GOLIM4: variants seen among roughly 807,000 people sequenced by gnomAD.
GOLIM4 encodes the protein golgi integral membrane protein 4.
In GOLIM4, 71 loss-of-function variants were observed where a neutral mutation model predicts 107.4. The ratio of observed to expected loss-of-function variants is 0.66; its 90% confidence interval spans 0.55 to 0.81. The LOEUF is 0.81. Among genes scored for constraint, GOLIM4 ranks in the 30% least tolerant of loss-of-function variants. The pLI is 0.00. For missense variants in GOLIM4, 830 were observed against 826.1 expected, an observed-to-expected ratio of 1.00 and a Z score of -0.06; for synonymous variants, 327 against 294.8, an observed-to-expected ratio of 1.11 and a Z score of -1.12.
intron 3 of GOLIM4, among the ~76,000 whole-genome samples, chr3:168,045,888 G>GT: frequency 6.6e-6 from 1 of 152,248 alleles, no homozygotes; most frequent in East Asian, 1.9e-4. Context: ...ACTCTTCTCA[G>GT]TTTTTTTATT....
At position 168,009,328 on chromosome 3, in the gene GOLIM4, A is replaced by G. The variant is rs891843551; in HGVS notation, c.*941T>C. Reference sequence around the variant, plus strand: ...GTATGTCTTCATATTTATACTTATTATCAAAGTGATTGCATATTGAGGCAC... The same window carrying G: ...GTATGTCTTCATATTTATACTTATTGTCAAAGTGATTGCATATTGAGGCAC... On this transcript the variant is annotated 3_prime_UTR_variant, in exon 16 of 16. Coordinates refer to ENST00000470487, the MANE Select transcript of GOLIM4 (RefSeq NM_014498.5). 6.6e-6 allele frequency: 1 copy of G among 150,824 alleles called. No individual in the cohort carries two copies. The highest frequency in any genetic ancestry group is 2.4e-5 in the African/African-American group (1 of 41,270). The allele number at this position is 150,824 out of a possible 1,614,324, so 9.3% of individuals were successfully genotyped here.
At chr3:168,048,219 G>A (rs1719419663) in intron 2 of GOLIM4, 72 bp downstream of exon 2, 1 of 809,134 alleles carries the variant, frequency 1.2e-6, no homozygotes, top group Admixed American at 2.4e-5. Flanking sequence ...AAAAAAAATT[G>A]TAAACCAAGT....
At chr3:168,092,193 C>T (rs960168069) in intron 1 of GOLIM4, among the ~76,000 whole-genome samples, 3 of 152,182 alleles carry the variant, frequency 2.0e-5, no homozygotes, top group Non-Finnish European at 4.4e-5. Context: ...AAACACTGTG[C>T]TGGCCAAAGA....
At position 168,095,572 on chromosome 3, in the gene GOLIM4, G is replaced by A; in HGVS notation, c.-287C>T. 1 of 393,382 alleles carries A rather than the reference G, an allele frequency of 2.5e-6. No homozygotes were observed. The highest frequency in any genetic ancestry group is 4.6e-6 in the Non-Finnish European group (1 of 219,626). 24.4% of individuals were successfully genotyped at this position (393,382 alleles called of 1,614,324 possible). ...AGGCCCTCCGCATACTTCAGAGCCGGCTGCCCTCGCGCCTGTCCCCAGATG... is the reference window on the plus strand; with the variant it reads ...AGGCCCTCCGCATACTTCAGAGCCGACTGCCCTCGCGCCTGTCCCCAGATG... On this transcript the variant is annotated 5_prime_UTR_variant, in exon 1 of 16. Coordinates refer to ENST00000470487, the MANE Select transcript of GOLIM4 (RefSeq NM_014498.5).
intron 1 of GOLIM4, among the ~76,000 whole-genome samples, chr3:168,077,486 C>A (rs1485685752): frequency 1.3e-5 from 2 of 152,144 alleles, no homozygotes. Flanking sequence ...TGTCCAGGCC[C>A]AGGCAAATCA....
intron 1 of GOLIM4, among the ~76,000 whole-genome samples, chr3:168,075,294 T>G (rs1345540968): frequency 4.8e-5 from 4 of 83,398 alleles, no homozygotes; most frequent in South Asian, 7.6e-4. Flanking sequence ...TAGTTTTTTT[T>G]TTTTTTTTTT....
chr3:168,016,794 A>T (rs2108211217), intron 14 of GOLIM4, among the ~76,000 whole-genome samples: 1 of 140,376 alleles, frequency 7.1e-6, no homozygotes. Context: ...TCGCAAGAAC[A>T]AAAAACCAAA....
At chr3:168,051,042 G>A (rs1205974197) in intron 1 of GOLIM4, among the ~76,000 whole-genome samples, 1 of 152,002 alleles carries the variant, frequency 6.6e-6, no homozygotes, top group Non-Finnish European at 1.5e-5. Context: ...ATACAATGCA[G>A]CAGCAATCAG....
intron 1 of GOLIM4, among the ~76,000 whole-genome samples, chr3:168,052,041 T>C (rs781157157): frequency 3.3e-5 from 5 of 152,164 alleles, no homozygotes; most frequent in Non-Finnish European, 7.3e-5. Context: ...AGACACAGCC[T>C]TGATGCCTGG....
intron 8 of GOLIM4, among the ~76,000 whole-genome samples, chr3:168,036,086 A>G (rs956258976): frequency 1.3e-5 from 2 of 152,216 alleles, no homozygotes; most frequent in African/African-American, 4.8e-5. Flanking sequence ...TAACTTTAAT[A>G]TTTGAGTGGG....
chr3:168,067,169 T>C (rs1037223555), intron 1 of GOLIM4, among the ~76,000 whole-genome samples: 4 of 152,078 alleles, frequency 2.6e-5, no homozygotes, highest in African/African-American at 9.7e-5. Flanking sequence ...AAGTGCCCAC[T>C]ATTAAATGCC....
At chr3:168,093,948 C>A (rs1722032850) in intron 1 of GOLIM4, among the ~76,000 whole-genome samples, 1 of 152,182 alleles carries the variant, frequency 6.6e-6, no homozygotes, top group Non-Finnish European at 1.5e-5. Context: ...CACACATACA[C>A]AGAAACATCC....
chr3:168,010,044 GT>G lies in GOLIM4; in HGVS notation c.*224del. 1 of 378,134 alleles carries G rather than the reference GT, an allele frequency of 2.6e-6. No individual in the cohort carries two copies. Among genetic ancestry groups the G allele is most frequent in the Non-Finnish European group, 4.6e-6 (1 of 216,434 alleles). 23.4% of individuals were successfully genotyped at this position (378,134 alleles called of 1,614,324 possible). On this transcript the variant is annotated 3_prime_UTR_variant, in exon 16 of 16. Transcript: ENST00000470487. Reference sequence around the variant, plus strand: ...CGTGGGGGCTCAGGTTTACTTTATTGTTTTTCTTCTTTTTCATGTTTAGCTT... The same window carrying G: ...CGTGGGGGCTCAGGTTTACTTTATTGTTTTCTTCTTTTTCATGTTTAGCTT...
intron 14 of GOLIM4, among the ~76,000 whole-genome samples, chr3:168,019,820 G>A (rs1717584195): frequency 6.6e-6 from 1 of 152,128 alleles, no homozygotes. Context: ...CTTTTAGTAA[G>A]GCTAAGGTTG....
intron 1 of GOLIM4, among the ~76,000 whole-genome samples, chr3:168,077,828 C>T (rs1193911743): frequency 6.6e-6 from 1 of 151,970 alleles, no homozygotes; most frequent in Non-Finnish European, 1.5e-5. Context: ...GGCCTTATTT[C>T]CAAAAATAAA....
In GOLIM4 at chr3:168,029,805, G is replaced by C; in HGVS notation, c.1408C>G (p.Arg470Gly). 6.2e-7 allele frequency: 1 copy of C among 1,613,850 alleles called. No individual in the cohort carries two copies. The highest frequency in any genetic ancestry group is 8.5e-7 in the Non-Finnish European group (1 of 1,180,010). ...CGGAGCTGCTCCTGGTGCTGCGGCC[G>C]GCCCTCCTCAAGCTCAGCCTGCCTC... Reference protein sequence around the residue: ...LQRQAELEEGRPQHQEQLRQQ... With the variant: ...LQRQAELEEGGPQHQEQLRQQ... The change falls in exon 10 of 16, where the codon CGG (arginine) becomes GGG (glycine). Residue 470 changes from arginine (R) to glycine (G), a missense_variant. Transcript: ENST00000470487.
chr3:168,036,132 G>C (rs6444791), intron 8 of GOLIM4, among the ~76,000 whole-genome samples: 85,770 of 151,968 alleles, frequency 0.56, 26,064 homozygotes, highest in African/African-American at 0.76. Flanking sequence ...ATCATTTAAC[G>C]TTCTCACCCT....
At chr3:168,056,153 A>C (rs375708262) in intron 1 of GOLIM4, among the ~76,000 whole-genome samples, 2 of 152,326 alleles carry the variant, frequency 1.3e-5, no homozygotes, top group African/African-American at 4.8e-5. Context: ...TGTGTCCCAG[A>C]TGCTCCAGCC....
intron 1 of GOLIM4, among the ~76,000 whole-genome samples, chr3:168,056,472 T>C (rs543665732): frequency 6.6e-6 from 1 of 152,162 alleles, no homozygotes; most frequent in Non-Finnish European, 1.5e-5. Context: ...GACCCCAGAA[T>C]GGCAGATCCA....
Sources: allele counts gnomAD v4.1 joint callset (sites outside exome capture counted in the v4.1 genomes callset), GRCh38; gene constraint gnomAD v4.1.1; transcripts MANE v1.5; gene names NCBI Gene and HGNC (gene_info 2026-07-23, HGNC 2026-07-21).